The following CHST11 variants were observed in gnomAD, a reference collection of about 807,000 sequenced individuals.
The protein encoded by CHST11 is C4S-1.
Under a neutral mutation model 30.4 loss-of-function variants are expected in CHST11, and 9 were observed. The ratio of observed to expected loss-of-function variants is 0.30; its 90% CI spans 0.18 to 0.52. CHST11 has a LOEUF of 0.52. Ranked by LOEUF, CHST11 falls within the 20% of genes least tolerant of loss-of-function variation. The probability of loss-of-function intolerance (pLI) is 0.97; values close to 1 mark genes in which losing one functional copy is unlikely to be tolerated. For missense variants in CHST11, 348 were observed against 460.6 expected, an observed-to-expected ratio of 0.76 and a Z score of 2.24; for synonymous variants, 152 against 187.8, an observed-to-expected ratio of 0.81 and a Z score of 1.56.
chr12:104,564,066 C>T (rs904277237), intron 1 of CHST11, among the ~76,000 whole-genome samples: 1 of 152,100 alleles, frequency 6.6e-6, no homozygotes, highest in Non-Finnish European at 1.5e-5. Context: ...TCAGTCTCTG[C>T]CCCTAGGAGC....
At chr12:104,716,537 C>T (rs780020833) in intron 2 of CHST11, among the ~76,000 whole-genome samples, 5 of 152,206 alleles carry the variant, frequency 3.3e-5, no homozygotes, top group Admixed American at 6.5e-5. Context: ...CCATACCTGT[C>T]GTAAATTAGT....
chr12:104,638,790 T>C (rs1261190966), intron 2 of CHST11, among the ~76,000 whole-genome samples: 2 of 152,254 alleles, frequency 1.3e-5, no homozygotes, highest in Non-Finnish European at 2.9e-5. Flanking sequence ...ATCCAGGTCC[T>C]GCAACTTCTT....
intron 1 of CHST11, among the ~76,000 whole-genome samples, chr12:104,507,397 T>C (rs1025181504): frequency 4.6e-5 from 7 of 152,204 alleles, no homozygotes; most frequent in African/African-American, 1.7e-4. Flanking sequence ...TTTTAACACA[T>C]GAAAATGGCT....
chr12:104,744,455 T>C (rs1016212440), intron 2 of CHST11, among the ~76,000 whole-genome samples: 5 of 152,190 alleles, frequency 3.3e-5, no homozygotes, highest in African/African-American at 1.2e-4. Context: ...GGGGTTGTTT[T>C]TTTCTTGTAA....
chr12:104,678,263 C>T (rs1431177507), intron 2 of CHST11, among the ~76,000 whole-genome samples: 2 of 152,214 alleles, frequency 1.3e-5, no homozygotes, highest in Non-Finnish European at 2.9e-5. Flanking sequence ...AAAGGTATAT[C>T]CTTCCCCAAC....
intron 2 of CHST11, among the ~76,000 whole-genome samples, chr12:104,652,183 G>A (rs1028498737): frequency 6.6e-6 from 1 of 152,156 alleles, no homozygotes; most frequent in African/African-American, 2.4e-5. Flanking sequence ...AGATTTTTTA[G>A]TGTTGTTTAA....
intron 1 of CHST11, among the ~76,000 whole-genome samples, chr12:104,507,660 T>A (rs773822018): frequency 6.6e-6 from 1 of 152,218 alleles, no homozygotes; most frequent in Non-Finnish European, 1.5e-5. Flanking sequence ...TTGGCTGGCC[T>A]TGCTCATGTC....
intron 2 of CHST11, among the ~76,000 whole-genome samples, chr12:104,605,687 T>C (rs1023122411): frequency 6.6e-6 from 1 of 152,218 alleles, no homozygotes; most frequent in African/African-American, 2.4e-5. Context: ...GGCCCCAAAA[T>C]AAAATGTAAT....
chr12:104,525,016 A>G (rs2038110315), intron 1 of CHST11, among the ~76,000 whole-genome samples: 1 of 152,200 alleles, frequency 6.6e-6, no homozygotes, highest in South Asian at 2.1e-4. Context: ...AAACAGAAAA[A>G]GAGGGAAGAA....
At chr12:104,464,296 G>T (rs970451751) in intron 1 of CHST11, among the ~76,000 whole-genome samples, 1 of 151,942 alleles carries the variant, frequency 6.6e-6, no homozygotes, top group Non-Finnish European at 1.5e-5. Flanking sequence ...TTGAACTCCT[G>T]ACCTTAAGTG....
At chr12:104,473,955 C>A (rs1004264701) in intron 1 of CHST11, among the ~76,000 whole-genome samples, 2 of 152,076 alleles carry the variant, frequency 1.3e-5, no homozygotes, top group Non-Finnish European at 2.9e-5. Context: ...CCACTACAAC[C>A]ACGACAGGGA....
At chr12:104,679,288 T>A (rs919903695) in intron 2 of CHST11, among the ~76,000 whole-genome samples, 7 of 152,180 alleles carry the variant, frequency 4.6e-5, no homozygotes, top group African/African-American at 1.4e-4. Context: ...GGACCCCAAA[T>A]GCCTTCTCCA....
chr12:104,654,637 C>A (rs1032250628), intron 2 of CHST11, among the ~76,000 whole-genome samples: 1 of 152,078 alleles, frequency 6.6e-6, no homozygotes, highest in Non-Finnish European at 1.5e-5. Context: ...CCATGCCACC[C>A]CCTGCCCCCA....
chr12:104,751,655 A>G (rs916519589), intron 2 of CHST11, among the ~76,000 whole-genome samples: 7 of 152,312 alleles, frequency 4.6e-5, no homozygotes, highest in Admixed American at 1.3e-4. Flanking sequence ...CTACGTATTA[A>G]CTACCTGTTT....
intron 1 of CHST11, among the ~76,000 whole-genome samples, chr12:104,561,661 C>A (rs574235691): frequency 6.6e-6 from 1 of 152,252 alleles, no homozygotes; most frequent in South Asian, 2.1e-4. Flanking sequence ...GAAAACAACG[C>A]CCTGTATCTT....
intron 2 of CHST11, among the ~76,000 whole-genome samples, chr12:104,711,970 G>A (rs568606759): frequency 2.0e-5 from 3 of 152,306 alleles, no homozygotes; most frequent in African/African-American, 7.2e-5. Context: ...AGCACCTGAT[G>A]TTGGAAGGAG....
chr12:104,552,927 A>G lies in CHST11; in HGVS notation c.119-48979A>G, dbSNP rs571019690. ...AAATTGTGTTGAGAAGAAGGTCGCA[A>G]TTCCTATCTCCAAGGGTCCCACTGA... On this transcript the variant is annotated intron_variant, in intron 1 of 2. Transcript: ENST00000303694. 33 of 152,310 alleles carry G rather than the reference A, an allele frequency of 2.2e-4. 1 individual carries two copies. Among genetic ancestry groups the G allele is most frequent in the African/African-American group, 7.5e-4 (31 of 41,576 alleles). 9.4% of individuals were successfully genotyped at this position (152,310 alleles called of 1,614,324 possible).
intron 1 of CHST11, among the ~76,000 whole-genome samples, chr12:104,563,520 C>T (rs2038533794): frequency 6.6e-6 from 1 of 152,228 alleles, no homozygotes; most frequent in African/African-American, 2.4e-5. Context: ...GTCACATCAT[C>T]CATCAGCTTA....
At chr12:104,721,316 A>T (rs550584374) in intron 2 of CHST11, among the ~76,000 whole-genome samples, 2 of 152,286 alleles carry the variant, frequency 1.3e-5, no homozygotes, top group African/African-American at 4.8e-5. Context: ...ACACAGCCAC[A>T]CACACACCAG....
Sources: gnomAD v4.1 joint callset for allele counts (sites outside exome capture counted in the v4.1 genomes callset) on GRCh38, gnomAD v4.1.1 for gene constraint, MANE v1.5 for transcripts, NCBI Gene and HGNC (gene_info 2026-07-23, HGNC 2026-07-21) for gene names.